The following CHD3 variants were observed in gnomAD, a reference collection of about 807,000 sequenced individuals.
CHD3 encodes ATP-dependent chromatin remodeler CHD3.
Under a neutral mutation model 248.9 loss-of-function variants are expected in CHD3, and 52 were observed. That is an observed-to-expected ratio of 0.21 (90% CI 0.17 to 0.26). The LOEUF (loss-of-function observed/expected upper bound fraction) is 0.26, where lower values mean the gene tolerates loss of function less well. Among genes scored for constraint, CHD3 ranks in the 10% least tolerant of loss-of-function variants. CHD3 has a pLI of 1.00. For missense variants in CHD3, 1,482 were observed against 2,605.8 expected, an observed-to-expected ratio of 0.57 and a Z score of 9.39; for synonymous variants, 985 against 985.2, an observed-to-expected ratio of 1.00 and a Z score of 0.00.
chr17:7,893,176 C>A, intron 4 of CHD3, 110 bp from the exon 5 acceptor site: 1 of 1,421,412 alleles, frequency 7.0e-7, no homozygotes, highest in Non-Finnish European at 9.2e-7. Context: ...AGGACATATT[C>A]TCACCACCCA....
chr17:7,885,431 T>G (rs1172716222), upstream of CHD3, among the ~76,000 whole-genome samples: 5 of 136,878 alleles, frequency 3.7e-5, no homozygotes, highest in South Asian at 4.7e-4. Flanking sequence ...GAGGAGGAGG[T>G]TTTTTTTTTA....
chr17:7,909,363 G>C lies in CHD3; in HGVS notation c.5590+25G>C. 6.6e-7 allele frequency: 1 copy of C among 1,522,722 alleles called. No homozygotes were observed. Among genetic ancestry groups the C allele is most frequent in the Non-Finnish European group, 8.8e-7 (1 of 1,133,594 alleles). 94.3% of individuals were successfully genotyped at this position (1,522,722 alleles called of 1,614,324 possible). ...GGTAAGGGCCGCGGCGGCCCCGCGC[G>C]GGGGAGGGCCCACAACGCTGCGTAA... is the stretch of plus-strand genomic sequence containing the variant. On this transcript the variant is annotated intron_variant, in intron 37 of 39. Transcript: ENST00000330494. The surrounding 1 kb of genome is among the most constrained non-coding windows in gnomAD (Gnocchi z 8.1).
chr17:7,909,323 G>A lies in CHD3; in HGVS notation c.5575G>A (p.Ala1859Thr). 2 of 1,557,092 alleles carry A rather than the reference G, an allele frequency of 1.3e-6. No homozygotes were observed. The highest frequency in any genetic ancestry group is 2.4e-5 in the East Asian group (1 of 41,356). ...GCTGGCGGGGAACAAGCCGGCCAAC[G>A]CCGTCCTGCACAAGGGTAAGGGCCG... ...ESLAGNKPAN[A>T]VLHKVLNQLE... Residue 1859 changes from alanine (A) to threonine (T), a missense_variant, in exon 37 of 40, where the codon GCC (alanine) becomes ACC (threonine). This residue lies in a region of CHD3 where 83 missense variants were observed against 181.0 expected (regional missense o/e 0.46). Transcript: ENST00000330494. This position sits in a 1 kb window ranked among gnomAD's most constrained non-coding sequence, Gnocchi z 8.1.
Position 7,910,252 on chromosome 17 carries a change from C to G in CHD3, c.5591-176C>G. On this transcript the variant is annotated intron_variant, in intron 37 of 39. Coordinates refer to ENST00000330494, the MANE Select transcript of CHD3 (RefSeq NM_001005273.3). The surrounding 1 kb of genome is among the most constrained non-coding windows in gnomAD (Gnocchi z 4.7). ...CTTTTTCTTTTCCCCTGAGTTGCTTCTGTTTTCCATCTACTTCTTTTACTT... is the reference window on the plus strand; with the variant it reads ...CTTTTTCTTTTCCCCTGAGTTGCTTGTGTTTTCCATCTACTTCTTTTACTT... 2.7e-6 allele frequency: 2 copies of G among 744,894 alleles called. No individual in the cohort carries two copies. 46.1% of individuals were successfully genotyped at this position (744,894 alleles called of 1,614,324 possible).
At position 7,906,157 on chromosome 17, in the gene CHD3, C is replaced by A; in HGVS notation, c.4358+168C>A. 1 of 1,060,530 alleles carries A rather than the reference C, an allele frequency of 9.4e-7. No individual in the cohort carries two copies. The highest frequency in any genetic ancestry group is 1.5e-6 in the Non-Finnish European group (1 of 688,926). 65.7% of individuals were successfully genotyped at this position (1,060,530 alleles called of 1,614,324 possible). A position where few individuals can be genotyped will look rare whatever the true frequency, so the allele number is the denominator to read the frequency against. On this transcript the variant is annotated intron_variant, in intron 28 of 39. Coordinates refer to ENST00000330494, the MANE Select transcript of CHD3 (RefSeq NM_001005273.3). The surrounding 1 kb of genome is among the most constrained non-coding windows in gnomAD (Gnocchi z 5.0). ...TCCTGGGGGGTGGTCTCAGCCCACT[C>A]CACCTCCCCTCAGCCGAGCCTAGAG...
rs1233665015 is a variant in CHD3, at chr17:7,889,300, G to C, written c.100+200G>C. Among the ~76,000 whole-genome samples the C allele has an allele frequency of 6.6e-6, 1 of 152,250 alleles. No individual in the cohort carries two copies. The highest frequency in any genetic ancestry group is 1.5e-5 in the Non-Finnish European group (1 of 68,036). On this transcript the variant is annotated intron_variant, in intron 1 of 39. Coordinates refer to ENST00000330494, the MANE Select transcript of CHD3 (RefSeq NM_001005273.3). The surrounding 1 kb of genome is among the most constrained non-coding windows in gnomAD (Gnocchi z 4.5). Reference sequence around the variant, plus strand: ...CCAGCAGCTGGGCATGGCTTCCCCAGTTCCTGGGCAGGATGCCAGCTGGCG... The same window carrying C: ...CCAGCAGCTGGGCATGGCTTCCCCACTTCCTGGGCAGGATGCCAGCTGGCG...
Position 7,900,954 on chromosome 17 carries a change from G to A in CHD3, c.3081G>A (p.Lys1027=). ...TTAATATCATGATGGATCTTAAGAA[G>A]TGCTGCAACCATCCATACCTTTTTC... ...SLLNIMMDLK[K]CCNHPYLFPV... is the part of the protein sequence containing the mutation. Residue 1027 remains lysine (K), a synonymous_variant, in exon 19 of 40, where the codon AAG becomes AAA. Transcript: ENST00000330494. This position sits in a 1 kb window ranked among gnomAD's most constrained non-coding sequence, Gnocchi z 6.5. 3.7e-6 allele frequency: 6 copies of A among 1,614,158 alleles called. No individual in the cohort carries two copies. The highest frequency in any genetic ancestry group is 5.1e-6 in the Non-Finnish European group (6 of 1,180,032).
Position 7,900,220 on chromosome 17 carries a change from CTGA to C in CHD3, c.2683-67_2683-65del. ...AAATGGGAGCTGGGGCAGGGAAAGG[CTGA>C]TGCTGTGGGTCGGTCACTTGTCACT... On this transcript the variant is annotated intron_variant, in intron 16 of 39. Coordinates refer to ENST00000330494, the MANE Select transcript of CHD3 (RefSeq NM_001005273.3). This position sits in a 1 kb window ranked among gnomAD's most constrained non-coding sequence, Gnocchi z 6.5. 6.2e-7 allele frequency: 1 copy of C among 1,601,176 alleles called. No individual in the cohort carries two copies.
upstream of CHD3, chr17:7,884,859 C>G: frequency 8.7e-7 from 1 of 1,155,266 alleles, no homozygotes; most frequent in Non-Finnish European, 1.2e-6. Context: ...ATGGTGGTGT[C>G]GGAGGAGGAA....
In CHD3 at chr17:7,897,123, G is replaced by A. The variant is rs866734769; in HGVS notation, c.1748G>A (p.Arg583Gln). ...FHLVMYRNYQ[R>Q]KNDMDEPPPL... The stretch of plus-strand genomic sequence containing the variant: ...TTGGTTATGTATCGAAACTACCAGC[G>A]GAAGAATGACATGGATGAGCCCCCA... Residue 583 changes from arginine to glutamine, a missense_variant, in exon 11 of 40, where the codon CGG becomes CAG. This residue lies in a region of CHD3 where 14 missense variants were observed against 58.6 expected (regional missense o/e 0.24). Transcript: ENST00000330494. This position sits in a 1 kb window ranked among gnomAD's most constrained non-coding sequence, Gnocchi z 4.8. The A allele has an allele frequency of 1.2e-6, 2 of 1,614,158 alleles. No homozygotes were observed. The highest frequency in any genetic ancestry group is 1.7e-6 in the Non-Finnish European group (2 of 1,180,032).
Position 7,905,665 on chromosome 17 carries a change from C to T in CHD3, c.4183C>T (p.Pro1395Ser). The change falls in exon 27 of 40, where the codon CCA becomes TCA. Residue 1395 changes from proline to serine, a missense_variant. By Grantham distance (74) the Pro-to-Ser change is moderately conservative (BLOSUM62 -1). Coordinates refer to ENST00000330494, the MANE Select transcript of CHD3 (RefSeq NM_001005273.3). This position sits in a 1 kb window ranked among gnomAD's most constrained non-coding sequence, Gnocchi z 5.8. ...GCAGCTCCGGAATGAGAAAGATAAG[C>T]CACTGCCTCCACTGCTGGCCCGAGT... ...KRQLRNEKDK[P>S]LPPLLARVGG... The T allele has an allele frequency of 6.2e-7, 1 of 1,609,844 alleles. No individual in the cohort carries two copies. Among genetic ancestry groups the T allele is most frequent in the Non-Finnish European group, 8.5e-7 (1 of 1,177,748 alleles).
rs769244674 is a variant in CHD3 at position 7,895,572 on chromosome 17, C to T, written c.1707+30C>T. The T allele has an allele frequency of 1.3e-6, 2 of 1,581,144 alleles. No homozygotes were observed. The highest frequency in any genetic ancestry group is 4.5e-5 in the East Asian group (2 of 44,664). ...TAGGACCTTTTCTTTCCCTCTCCCC[C>T]ATGACCTCATTTCCTGCCATCCTCT... is the stretch of plus-strand genomic sequence containing the variant. On this transcript the variant is annotated intron_variant, in intron 10 of 39. Transcript: ENST00000330494. The surrounding 1 kb of genome is among the most constrained non-coding windows in gnomAD (Gnocchi z 4.9).
chr17:7,893,728 A>G (rs941853208), intron 5 of CHD3, 77 bp from the exon 6 acceptor site: 14 of 1,562,630 alleles, frequency 9.0e-6, no homozygotes, highest in Admixed American at 5.9e-5. Context: ...AGGAATCCAG[A>G]GGCCCCTGTG....
chr17:7,884,866 G>A (rs1198209571), upstream of CHD3: 1 of 1,258,328 alleles, frequency 7.9e-7, no homozygotes. Context: ...TGTCGGAGGA[G>A]GAAGAAGAGG....
chr17:7,909,424 C>T lies in CHD3; in HGVS notation c.5590+86C>T. The T allele has an allele frequency of 1.4e-6, 2 of 1,449,138 alleles. No homozygotes were observed. The highest frequency in any genetic ancestry group is 1.4e-5 in the South Asian group (1 of 70,952). The allele number at this position is 1,449,138 out of a possible 1,614,324, so 89.8% of individuals were successfully genotyped here. On this transcript the variant is annotated intron_variant, in intron 37 of 39. Transcript: ENST00000330494. The surrounding 1 kb of genome is among the most constrained non-coding windows in gnomAD (Gnocchi z 8.1). ...CGCACCCCTCAAAATCTTCCCACCCCCTGACCCCTCTACCTGCTGAACCAT... is the reference window on the plus strand; with the variant it reads ...CGCACCCCTCAAAATCTTCCCACCCTCTGACCCCTCTACCTGCTGAACCAT...
rs1971403598 is a variant in CHD3 at position 7,909,590 on chromosome 17, GT to G, written c.5590+253del. On this transcript the variant is annotated intron_variant, in intron 37 of 39. Coordinates refer to ENST00000330494, the MANE Select transcript of CHD3 (RefSeq NM_001005273.3). This position sits in a 1 kb window ranked among gnomAD's most constrained non-coding sequence, Gnocchi z 8.1. ...AATAGAGGGACCTGCCCCAGCCTCT[GT>G]GTCCCCTCCACACAGTGGGGCCTCT... The G allele has an allele frequency of 1.8e-6, 1 of 554,384 alleles. No homozygotes were observed. The highest frequency in any genetic ancestry group is 3.1e-6 in the Non-Finnish European group (1 of 317,616). The allele number at this position is 554,384 out of a possible 1,614,324, so 34.3% of individuals were successfully genotyped here.
Position 7,898,022 on chromosome 17 carries a change from A to G in CHD3, c.1971A>G (p.Pro657=), listed in dbSNP as rs145734007. The stretch of plus-strand genomic sequence containing the variant: ...ATCTAGTAAAATGGAGGGACTTACC[A>G]TATGACCAGTCCACGTGGGAGGAAG... ...YHYLVKWRDL[P]YDQSTWEEDE... is the part of the protein sequence containing the mutation. Residue 657 remains proline, a synonymous_variant, in exon 12 of 40, where the codon CCA becomes CCG. Transcript: ENST00000330494. The G allele has an allele frequency of 7.6e-5, 123 of 1,614,094 alleles. No homozygotes were observed. Among genetic ancestry groups the G allele is most frequent in the South Asian group, 1.1e-4 (10 of 91,092 alleles).
Position 7,902,929 on chromosome 17 carries a change from C to T in CHD3, c.3371-8C>T, listed in dbSNP as rs1970488405. On this transcript the variant is annotated splice_polypyrimidine_tract_variant and splice_region_variant and intron_variant, in intron 21 of 39. Coordinates refer to ENST00000330494, the MANE Select transcript of CHD3 (RefSeq NM_001005273.3). The stretch of plus-strand genomic sequence containing the variant: ...CAAGAAAAACCTGATCCAACTCTCA[C>T]CTCCTAGCTCCTGGGGCCCAACAAT... 3 of 1,614,000 alleles carry T rather than the reference C, an allele frequency of 1.9e-6. No homozygotes were observed. Among genetic ancestry groups the T allele is most frequent in the Admixed American group, 1.7e-5 (1 of 59,998 alleles).
upstream of CHD3, chr17:7,885,313 GC>G (rs1967687926): frequency 3.3e-5 from 4 of 119,598 alleles, no homozygotes; most frequent in East Asian, 4.0e-4. Context: ...CTCCCCCGCC[GC>G]CGCCGCCGCC....
Sources: gnomAD v4.1 joint callset for allele counts (sites outside exome capture counted in the v4.1 genomes callset) on GRCh38, gnomAD v4.1.1 for gene constraint, gnomAD v4.1.1 regional missense constraint, Gnocchi (gnomAD v3.1) non-coding constraint, MANE v1.5 for transcripts, NCBI Gene and HGNC (gene_info 2026-07-23, HGNC 2026-07-21) for gene names.